Variants in ARHGAP5 observed in about 807,000 individuals in gnomAD.
ARHGAP5 encodes the protein Rho GTPase activating protein 5.
In ARHGAP5, 23 loss-of-function variants were observed where a neutral mutation model predicts 116.6. The ratio of observed to expected loss-of-function variants is 0.20; its 90% CI spans 0.14 to 0.28. The LOEUF is 0.28. Among genes scored for constraint, ARHGAP5 ranks in the 10% least tolerant of loss-of-function variants. The probability of loss-of-function intolerance (pLI) is 1.00; values close to 1 mark genes in which losing one functional copy is unlikely to be tolerated. For synonymous variants in ARHGAP5, 574 were observed against 602.0 expected (o/e 0.95, Z 0.68); for missense variants, 1,405 against 1,774.8 (o/e 0.79, Z 3.74).
chr14:32,097,180 A>G (rs1252647649), intron 2 of ARHGAP5, among the ~76,000 whole-genome samples: 1 of 152,244 alleles, frequency 6.6e-6, no homozygotes, highest in Non-Finnish European at 1.5e-5. Context: ...ACTAGTGACT[A>G]GAAATGTTTG....
chr14:32,141,423 T>C (rs913924399), intron 3 of ARHGAP5, among the ~76,000 whole-genome samples: 1 of 152,216 alleles, frequency 6.6e-6, no homozygotes, highest in African/African-American at 2.4e-5. Flanking sequence ...TTCCCATCTT[T>C]GTTATTGTCA....
chr14:32,093,327 C>T lies in ARHGAP5; in HGVS notation c.2658C>T (p.Asp886=). Residue 886 remains aspartate, a synonymous_variant, in exon 2 of 7, where the codon GAC becomes GAT. Coordinates refer to ENST00000345122, the MANE Select transcript of ARHGAP5 (RefSeq NM_001030055.2). ...TIPVQLVAVT[D]SQADFFENEA... ...CTGTACAGCTGGTGGCAGTTACTGA[C>T]AGCCAAGCAGATTTTTTTGAAAATG... 6.2e-7 allele frequency: 1 copy of T among 1,613,888 alleles called. No homozygotes were observed. Among genetic ancestry groups the T allele is most frequent in the Non-Finnish European group, 8.5e-7 (1 of 1,179,912 alleles).
intron 3 of ARHGAP5, among the ~76,000 whole-genome samples, chr14:32,145,485 G>A (rs1881331007): frequency 6.6e-6 from 1 of 152,086 alleles, no homozygotes; most frequent in South Asian, 2.1e-4. Context: ...TTTTGTTTTT[G>A]TTAGTTTTGG....
At chr14:32,082,625 C>A (rs534928371) in intron 1 of ARHGAP5, among the ~76,000 whole-genome samples, 1 of 152,008 alleles carries the variant, frequency 6.6e-6, no homozygotes, top group Non-Finnish European at 1.5e-5. Flanking sequence ...CACTGCAGTC[C>A]GCCTCCTGGG....
chr14:32,102,456 C>T (rs1007674240), intron 2 of ARHGAP5, among the ~76,000 whole-genome samples: 6 of 152,268 alleles, frequency 3.9e-5, no homozygotes, highest in Middle Eastern at 3.4e-3. Context: ...TGATGAGCCC[C>T]GAAGGATCAC....
chr14:32,109,677 CAT>C (rs1879191102), intron 2 of ARHGAP5, among the ~76,000 whole-genome samples: 3 of 151,910 alleles, frequency 2.0e-5, no homozygotes, highest in African/African-American at 7.3e-5. Context: ...GATTTTGTAT[CAT>C]GTGGTTAAGA....
At chr14:32,104,896 C>T (rs1878940351) in intron 2 of ARHGAP5, among the ~76,000 whole-genome samples, 1 of 152,104 alleles carries the variant, frequency 6.6e-6, no homozygotes, top group Admixed American at 6.5e-5. Flanking sequence ...GTCAGTTTGG[C>T]CCTCCAGGAA....
At chr14:32,149,065 G>T (rs1881521786) in intron 4 of ARHGAP5, among the ~76,000 whole-genome samples, 1 of 152,002 alleles carries the variant, frequency 6.6e-6, no homozygotes, top group South Asian at 2.1e-4. Context: ...TCAAATTTTG[G>T]AGTATGTGGA....
chr14:32,111,964 T>G (rs1038105645), intron 2 of ARHGAP5, among the ~76,000 whole-genome samples: 2 of 150,182 alleles, frequency 1.3e-5, no homozygotes, highest in East Asian at 2.0e-4. Flanking sequence ...GACTACAGGC[T>G]CACGCCACCA....
intron 4 of ARHGAP5, among the ~76,000 whole-genome samples, chr14:32,147,684 G>T (rs1881442234): frequency 6.6e-6 from 1 of 152,020 alleles, no homozygotes; most frequent in Non-Finnish European, 1.5e-5. Context: ...GTGTTGGGGG[G>T]TACCACTCAG....
chr14:32,145,587 C>G (rs1161382495), intron 3 of ARHGAP5, among the ~76,000 whole-genome samples: 1 of 152,114 alleles, frequency 6.6e-6, no homozygotes, highest in Non-Finnish European at 1.5e-5. Flanking sequence ...TGCCTGCCCC[C>G]TCAAAAATCA....
intron 2 of ARHGAP5, among the ~76,000 whole-genome samples, chr14:32,095,606 T>G (rs747150628): frequency 6.6e-6 from 1 of 152,074 alleles, no homozygotes; most frequent in African/African-American, 2.4e-5. Flanking sequence ...AGGATGGGGT[T>G]TCTCCATGTT....
intron 2 of ARHGAP5, among the ~76,000 whole-genome samples, chr14:32,109,791 A>G (rs1005857701): frequency 6.6e-6 from 1 of 152,184 alleles, no homozygotes; most frequent in Non-Finnish European, 1.5e-5. Flanking sequence ...TGCCTAAATG[A>G]CATACTGGCT....
intron 4 of ARHGAP5, among the ~76,000 whole-genome samples, chr14:32,147,721 A>G (rs1173983683): frequency 6.6e-6 from 1 of 152,208 alleles, no homozygotes; most frequent in African/African-American, 2.4e-5. Flanking sequence ...GAATACCAAG[A>G]AGCCATGTAA....
chr14:32,146,895 C>T (rs1881403621), intron 4 of ARHGAP5, among the ~76,000 whole-genome samples: 1 of 152,100 alleles, frequency 6.6e-6, no homozygotes, highest in Non-Finnish European at 1.5e-5. Flanking sequence ...GAAGGGAATA[C>T]TGTACAATAT....
At chr14:32,125,982 T>G (rs2139089390) in intron 3 of ARHGAP5, among the ~76,000 whole-genome samples, 1 of 152,264 alleles carries the variant, frequency 6.6e-6, no homozygotes, top group African/African-American at 2.4e-5. Flanking sequence ...TTTTGCCAAA[T>G]TATTAGCTCT....
At chr14:32,132,904 G>A (rs1335726126) in intron 3 of ARHGAP5, among the ~76,000 whole-genome samples, 2 of 152,116 alleles carry the variant, frequency 1.3e-5, no homozygotes, top group African/African-American at 4.8e-5. Flanking sequence ...GTAGATATGT[G>A]GCATTATTTC....
chr14:32,091,508 T>G lies in ARHGAP5; in HGVS notation c.839T>G (p.Val280Gly). The G allele has an allele frequency of 6.2e-7, 1 of 1,613,272 alleles. No homozygotes were observed. The highest frequency in any genetic ancestry group is 8.5e-7 in the Non-Finnish European group (1 of 1,179,542). Reference sequence around the variant, plus strand: ...GCAACAGATAAGTTTGAAAAACTTGTGCAGACTGTGAGAGATTATCATGCA... The same window carrying G: ...GCAACAGATAAGTTTGAAAAACTTGGGCAGACTGTGAGAGATTATCATGCA... ...VTATDKFEKL[V>G]QTVRDYHATW... The change falls in exon 2 of 7, where the codon GTG becomes GGG. Residue 280 changes from valine (V) to glycine (G), a missense_variant. Transcript: ENST00000345122.
At position 32,094,267 on chromosome 14, in the gene ARHGAP5, C is replaced by T; in HGVS notation, c.3598C>T (p.Leu1200Phe). ...ACATCGTGGAAGTGAAGAAGATCCA[C>T]TTCTTTCTCCTGTTGAAACTTGGAA... ...GRHRGSEEDP[L>F]LSPVETWKGG... Residue 1200 changes from leucine to phenylalanine, a missense_variant, in exon 2 of 7, where the codon CTT becomes TTT. Leu to Phe is a conservative substitution (Grantham distance 22, BLOSUM62 0). Coordinates refer to ENST00000345122, the MANE Select transcript of ARHGAP5 (RefSeq NM_001030055.2). 3 of 1,613,888 alleles carry T rather than the reference C, an allele frequency of 1.9e-6. No homozygotes were observed. The highest frequency in any genetic ancestry group is 2.5e-6 in the Non-Finnish European group (3 of 1,179,928).
Sources: gnomAD v4.1 joint callset for allele counts (sites outside exome capture counted in the v4.1 genomes callset) on GRCh38, gnomAD v4.1.1 for gene constraint, MANE v1.5 for transcripts, NCBI Gene and HGNC (gene_info 2026-07-23, HGNC 2026-07-21) for gene names.